MYO16: variants seen among roughly 807,000 people sequenced by gnomAD.
MYO16 encodes the protein unconventional myosin-XVI.
A neutral mutation model predicts 205.3 loss-of-function variants in MYO16; 94 were observed. The ratio of observed to expected loss-of-function variants is 0.46; its 90% CI spans 0.39 to 0.54. MYO16 has a LOEUF of 0.54. Among genes scored for constraint, MYO16 ranks in the 20% least tolerant of loss-of-function variants. MYO16 has a pLI of 0.00. For synonymous variants in MYO16, 988 were observed against 954.0 expected, an observed-to-expected ratio of 1.04 and a Z score of -0.66; for missense variants, 2,315 against 2,387.5, an observed-to-expected ratio of 0.97 and a Z score of 0.63.
upstream of MYO16, among the ~76,000 whole-genome samples, chr13:108,627,542 A>G (rs1879790867): frequency 6.6e-6 from 1 of 152,156 alleles, no homozygotes; most frequent in Non-Finnish European, 1.5e-5. Flanking sequence ...CTTATAGCAC[A>G]AAGAGTTGCC....
intron 32 of MYO16, among the ~76,000 whole-genome samples, chr13:109,144,811 G>T (rs1014372432): frequency 6.6e-6 from 1 of 152,192 alleles, no homozygotes; most frequent in Non-Finnish European, 1.5e-5. Context: ...AGATTAAACT[G>T]CTCAGTAATT....
At chr13:109,143,087 G>C (rs529555496) in intron 32 of MYO16, among the ~76,000 whole-genome samples, 14 of 152,030 alleles carry the variant, frequency 9.2e-5, no homozygotes, top group Admixed American at 2.6e-4. Flanking sequence ...ATCTTCCTTA[G>C]GGTTAAGTGG....
At chr13:108,783,570 TG>T (rs1254905461) in intron 4 of MYO16, among the ~76,000 whole-genome samples, 1 of 152,130 alleles carries the variant, frequency 6.6e-6, no homozygotes, top group Non-Finnish European at 1.5e-5. Flanking sequence ...ACATGAGATT[TG>T]TAGGGACCAG....
At chr13:109,161,797 A>G (rs1878399290) in intron 32 of MYO16, among the ~76,000 whole-genome samples, 1 of 152,242 alleles carries the variant, frequency 6.6e-6, no homozygotes, top group Admixed American at 6.5e-5. Flanking sequence ...GTGACCGTTT[A>G]AAAGCATGTC....
At chr13:109,023,668 CAAAT>C in intron 23 of MYO16, among the ~76,000 whole-genome samples, 1 of 57,730 alleles carries the variant, frequency 1.7e-5, no homozygotes, top group Non-Finnish European at 3.5e-5. Context: ...TGTATATATG[CAAAT>C]ATATGTATAT....
the MYO16 span, among the ~76,000 whole-genome samples, chr13:108,505,714 C>G: frequency 6.6e-6 from 1 of 151,980 alleles, no homozygotes; most frequent in Non-Finnish European, 1.5e-5. Flanking sequence ...GTTGCCTGTG[C>G]TTTTGGTGTC....
chr13:108,944,965 T>C (rs1373819964), intron 16 of MYO16, among the ~76,000 whole-genome samples: 5 of 152,178 alleles, frequency 3.3e-5, no homozygotes, highest in African/African-American at 4.8e-5. Context: ...GTGAGAAAGA[T>C]ATAACAGAAT....
chr13:108,594,289 T>G (rs1418905555), upstream of MYO16, among the ~76,000 whole-genome samples: 2 of 152,218 alleles, frequency 1.3e-5, no homozygotes, highest in Non-Finnish European at 2.9e-5. Flanking sequence ...CTACATCCTG[T>G]AAGTCCCTCT....
At chr13:108,911,460 G>A (rs1456900468) in intron 16 of MYO16, among the ~76,000 whole-genome samples, 2 of 152,080 alleles carry the variant, frequency 1.3e-5, no homozygotes, top group Admixed American at 6.6e-5. Context: ...GATCTGATGT[G>A]GTGTCCAAGG....
intron 20 of MYO16, among the ~76,000 whole-genome samples, chr13:108,979,557 A>G (rs1314648925): frequency 1.3e-5 from 2 of 152,184 alleles, no homozygotes; most frequent in African/African-American, 2.4e-5. Context: ...AGTGACTTCT[A>G]TTTCTGTGTA....
At position 108,911,238 on chromosome 13, in the gene MYO16, G is replaced by T. The variant is rs539126527; in HGVS notation, c.1925+1088G>T. ...CAAAAAAATATCTCCAGTTCTCTCT[G>T]CTTTGCTGTGCTATTTCCCCATCTG... On this transcript the variant is annotated intron_variant, in intron 16 of 34. Coordinates refer to ENST00000457511, the MANE Select transcript of MYO16 (RefSeq NM_001198950.3). Among the ~76,000 whole-genome samples the T allele has an allele frequency of 5.5e-4, 84 of 152,220 alleles. 1 individual carries two copies. The highest frequency in any genetic ancestry group is 1.9e-3 in the African/African-American group (81 of 41,542).
intron 5 of MYO16, among the ~76,000 whole-genome samples, chr13:108,791,821 C>A (rs1383440333): frequency 6.6e-6 from 1 of 152,216 alleles, no homozygotes; most frequent in African/African-American, 2.4e-5. Flanking sequence ...GTTTAAATAA[C>A]TTTCGCAGAG....
At chr13:108,735,679 A>C (rs1380782741) in intron 4 of MYO16, among the ~76,000 whole-genome samples, 1 of 150,570 alleles carries the variant, frequency 6.6e-6, no homozygotes, top group Non-Finnish European at 1.5e-5. Flanking sequence ...GGCTGGGTCA[A>C]ATGGTATTTC....
chr13:108,964,656 T>C, intron 19 of MYO16, 105 bp from the exon 20 acceptor site: 1 of 1,188,448 alleles, frequency 8.4e-7, no homozygotes, highest in Non-Finnish European at 1.2e-6. Context: ...ATACATCACT[T>C]GTCTTGTGGA....
chr13:109,164,760 A>G (rs1386715623), intron 32 of MYO16, 141 bp from the exon 33 acceptor site: 1 of 513,596 alleles, frequency 1.9e-6, no homozygotes, highest in Admixed American at 4.3e-5. Flanking sequence ...TATATAGGCT[A>G]CAAATTTTAT....
At chr13:108,529,945 T>C in the MYO16 span, among the ~76,000 whole-genome samples, 1 of 152,178 alleles carries the variant, frequency 6.6e-6, no homozygotes, top group South Asian at 2.1e-4. Flanking sequence ...AGAATATTTA[T>C]TTGATTTCTC....
At chr13:109,032,463 G>T (rs192696641) in intron 23 of MYO16, among the ~76,000 whole-genome samples, 2 of 152,310 alleles carry the variant, frequency 1.3e-5, no homozygotes, top group East Asian at 3.9e-4. Context: ...GTGAGACAAG[G>T]CAAAGGTGTA....
At chr13:108,897,816 C>T (rs1216351915) in intron 14 of MYO16, among the ~76,000 whole-genome samples, 200 bp from the exon 15 acceptor site, 1 of 152,112 alleles carries the variant, frequency 6.6e-6, no homozygotes, top group Non-Finnish European at 1.5e-5. Flanking sequence ...GCTTCATGAA[C>T]AGTAGCCACA....
chr13:109,154,499 C>T (rs1167431449), intron 32 of MYO16, among the ~76,000 whole-genome samples: 1 of 152,198 alleles, frequency 6.6e-6, no homozygotes, highest in East Asian at 1.9e-4. Context: ...AAAGACCTCA[C>T]ATCCACCACT....
Sources: allele counts gnomAD v4.1 joint callset (sites outside exome capture counted in the v4.1 genomes callset), GRCh38; gene constraint gnomAD v4.1.1; transcripts MANE v1.5; gene names NCBI Gene and HGNC (gene_info 2026-07-23, HGNC 2026-07-21).